RAB37: variants seen among roughly 807,000 people sequenced by gnomAD.
The protein encoded by RAB37 is RAB37, member RAS oncogene family, also known as ras-related protein Rab-37.
In RAB37, 29 loss-of-function variants were observed where a neutral mutation model predicts 33.1. The observed-to-expected ratio is 0.88, with a 90% CI of 0.65 to 1.20. The LOEUF is 1.20. Among genes scored for constraint, RAB37 ranks in the 50% most tolerant of loss-of-function variants. The probability of loss-of-function intolerance (pLI) is 0.00; values close to 1 mark genes in which losing one functional copy is unlikely to be tolerated. For missense variants in RAB37, 299 were observed against 301.1 expected, an observed-to-expected ratio of 0.99 and a Z score of 0.05; for synonymous variants, 128 against 119.5, an observed-to-expected ratio of 1.07 and a Z score of -0.47.
chr17:74,690,135 G>A (rs1719488109), intron 1 of RAB37, among the ~76,000 whole-genome samples: 1 of 152,036 alleles, frequency 6.6e-6, no homozygotes, highest in Admixed American at 6.6e-5. Context: ...ATTTTTGGTG[G>A]AGATATCCTT....
chr17:74,724,276 C>A (rs1344852790), intron 1 of RAB37, among the ~76,000 whole-genome samples: 1 of 152,152 alleles, frequency 6.6e-6, no homozygotes, highest in African/African-American at 2.4e-5. Flanking sequence ...GAAGCAAAGG[C>A]AGAAGACTGG....
At chr17:74,731,030 T>C (rs1259434341) in intron 2 of RAB37, among the ~76,000 whole-genome samples, 2 of 152,212 alleles carry the variant, frequency 1.3e-5, no homozygotes, top group African/African-American at 4.8e-5. Context: ...CACCCGATGT[T>C]CTGGTGCATC....
chr17:74,683,933 C>T (rs1394468740), intron 1 of RAB37, among the ~76,000 whole-genome samples: 2 of 152,034 alleles, frequency 1.3e-5, no homozygotes, highest in Middle Eastern at 3.4e-3. Flanking sequence ...TCAGACAGTC[C>T]GAAGGTGGGT....
At chr17:74,733,786 C>T (rs1460821917), upstream of RAB37, among the ~76,000 whole-genome samples, 1 of 151,926 alleles carries the variant, frequency 6.6e-6, no homozygotes, top group East Asian at 1.9e-4. Context: ...GTCTTAGACC[C>T]TAACCCACTT....
intron 1 of RAB37, among the ~76,000 whole-genome samples, chr17:74,691,551 T>C (rs1377948914): frequency 1.3e-5 from 2 of 152,148 alleles, no homozygotes; most frequent in Non-Finnish European, 2.9e-5. Context: ...GTTTCACTGC[T>C]CTTCAGCAGC....
intron 1 of RAB37, among the ~76,000 whole-genome samples, chr17:74,689,897 G>A (rs548888959): frequency 3.9e-5 from 6 of 152,034 alleles, no homozygotes; most frequent in South Asian, 4.1e-4. Context: ...TCTTCTGAAA[G>A]CCAATGATAT....
chr17:74,697,713 A>G (rs754413041), intron 1 of RAB37, among the ~76,000 whole-genome samples: 1 of 152,196 alleles, frequency 6.6e-6, no homozygotes, highest in Non-Finnish European at 1.5e-5. Flanking sequence ...CTGTGAGTGT[A>G]GACTCCTGCG....
chr17:74,743,052 A>G (rs1390406945), intron 3 of RAB37, 77 bp from the exon 4 acceptor site: 14 of 1,339,848 alleles, frequency 1.0e-5, no homozygotes, highest in African/African-American at 1.4e-5. Flanking sequence ...CTCATACAAC[A>G]AAGCAGGCCT....
upstream of RAB37, among the ~76,000 whole-genome samples, chr17:74,732,577 G>A (rs1251584327): frequency 7.3e-6 from 1 of 137,600 alleles, no homozygotes; most frequent in Non-Finnish European, 1.6e-5. Context: ...TGTGTGTGGT[G>A]TGAGTGTGTG....
Position 74,744,507 on chromosome 17 carries a change from C to T in RAB37, c.432+134C>T. 2 of 840,896 alleles carry T rather than the reference C, an allele frequency of 2.4e-6. No individual in the cohort carries two copies. Among genetic ancestry groups the T allele is most frequent in the East Asian group, 5.3e-5 (2 of 38,094 alleles). The allele number at this position is 840,896 out of a possible 1,614,324, so 52.1% of individuals were successfully genotyped here. On this transcript the variant is annotated intron_variant, in intron 6 of 8. Transcript: ENST00000392613. The surrounding 1 kb of genome is among the most constrained non-coding windows in gnomAD (Gnocchi z 4.2). ...TGCAGCCTCCAGCTCAGGGGTCAGA[C>T]ATATCTGGAGGCTTCTGCCCATCCC...
Position 74,672,377 on chromosome 17 carries a change from T to C in RAB37, c.72+719T>C, listed in dbSNP as rs868270201. On this transcript the variant is annotated intron_variant, in intron 1 of 7. Transcript: ENST00000340415. Reference sequence around the variant, plus strand: ...AAGAAGTTATTATGGCTCACCTTCCTTTTCTCTGACTTTGCCATGCCTTCC... The same window carrying C: ...AAGAAGTTATTATGGCTCACCTTCCCTTTCTCTGACTTTGCCATGCCTTCC... 1.5e-3 allele frequency among the ~76,000 whole-genome samples: 236 copies of C among 152,300 alleles called. 2 individuals are homozygous for C. Among genetic ancestry groups the C allele is most frequent in the African/African-American group, 5.5e-3 (227 of 41,556 alleles).
In RAB37 at chr17:74,745,318, C is replaced by A; in HGVS notation, c.579C>A (p.Tyr193Ter). The A allele has an allele frequency of 1.2e-6, 2 of 1,611,610 alleles. No individual in the cohort carries two copies. The highest frequency in any genetic ancestry group is 1.7e-6 in the Non-Finnish European group (2 of 1,178,436). ...AFLAIAKELKYRAGHQADEPS... is the reference protein window; with the variant it reads ...AFLAIAKELK ...TCTCTTCTTCAAGGGAACTGAAATA[C>A]CGGGCCGGGCATCAGGCGGATGAGC... The change falls in exon 9 of 9, where the codon TAC becomes TAA. Residue 193 changes from tyrosine (Y) to a stop codon, truncating the protein, a stop_gained. Transcript: ENST00000392613. LOFTEE classifies it high-confidence loss of function. The surrounding 1 kb of genome is among the most constrained non-coding windows in gnomAD (Gnocchi z 4.5).
intron 1 of RAB37, among the ~76,000 whole-genome samples, chr17:74,697,158 G>A (rs2032563584): frequency 6.6e-6 from 1 of 152,130 alleles, no homozygotes; most frequent in Non-Finnish European, 1.5e-5. Flanking sequence ...TGGCCAGGCT[G>A]GTCTCGAACT....
chr17:74,744,831 C>G lies in RAB37; in HGVS notation c.433-42C>G. ...GGGGCAAAATATGGGCCCGCTGGGG[C>G]GGAGGCCTCCTTCCCCAGAGTGACC... is the stretch of plus-strand genomic sequence containing the variant. On this transcript the variant is annotated intron_variant, in intron 6 of 8. Coordinates refer to ENST00000392613, the MANE Select transcript of RAB37 (RefSeq NM_001006638.3). The surrounding 1 kb of genome is among the most constrained non-coding windows in gnomAD (Gnocchi z 4.2). 6.2e-7 allele frequency: 1 copy of G among 1,610,148 alleles called. No individual in the cohort carries two copies. The highest frequency in any genetic ancestry group is 8.5e-7 in the Non-Finnish European group (1 of 1,176,342).
rs778434603 is a variant in RAB37 at position 74,695,895 on chromosome 17, T to C, written c.72+24237T>C. On this transcript the variant is annotated intron_variant, in intron 1 of 7. Coordinates refer to the RAB37 transcript ENST00000340415. ...GAACACAGGCTGGGGAGTCACAAGA[T>C]CTGTCTGTGGACACAGGTTCCTTTT... The C allele has an allele frequency of 1.6e-5, 26 of 1,601,124 alleles. No individual in the cohort carries two copies. The African/African-American group carries it at 2.4e-4, about 15-fold the overall frequency.
chr17:74,714,664 G>A (rs75639560), intron 1 of RAB37, among the ~76,000 whole-genome samples: 7 of 152,022 alleles, frequency 4.6e-5, no homozygotes, highest in East Asian at 1.9e-4. Flanking sequence ...TTATCCCCTC[G>A]CTCCACCCCT....
rs977071609 is a variant in RAB37, at chr17:74,745,037, C to T, written c.519C>T (p.Ser173=). The T allele has an allele frequency of 3.1e-6, 5 of 1,614,134 alleles. No homozygotes were observed. The South Asian group carries it at 4.4e-5, about 14-fold the overall frequency. ...ACGGTGTTCCCTTCCTGGAGACCAG[C>T]GCCAAGACTGGCATGAATGTGGAGT... ...REYGVPFLET[S]AKTGMNVELA... is the part of the protein sequence containing the mutation. Residue 173 remains serine, a synonymous_variant, in exon 8 of 9, where the codon AGC becomes AGT. Transcript: ENST00000392613. This position sits in a 1 kb window ranked among gnomAD's most constrained non-coding sequence, Gnocchi z 4.5.
rs112866490 is a variant in RAB37 at position 74,744,795 on chromosome 17, C to T, written c.433-78C>T. On this transcript the variant is annotated intron_variant, in intron 6 of 8. Transcript: ENST00000392613. The surrounding 1 kb of genome is among the most constrained non-coding windows in gnomAD (Gnocchi z 4.2). ...TGGGCCACCAGCAGAGGGCAGGCAA[C>T]GCCTGCTTCTGGGGCAAAATATGGG... 168 of 1,556,894 alleles carry T rather than the reference C, an allele frequency of 1.1e-4. 1 individual carries two copies. The highest frequency in any genetic ancestry group is 1.0e-3 in the African/African-American group (76 of 73,868).
intron 2 of RAB37, among the ~76,000 whole-genome samples, chr17:74,741,368 A>G (rs558445143): frequency 6.6e-6 from 1 of 152,190 alleles, no homozygotes; most frequent in East Asian, 1.9e-4. Context: ...CGGTCAGATC[A>G]CAAGGTCAGG....
Sources: allele counts gnomAD v4.1 joint callset (sites outside exome capture counted in the v4.1 genomes callset), GRCh38; gene constraint gnomAD v4.1.1; non-coding constraint Gnocchi (gnomAD v3.1); transcripts MANE v1.5; gene names NCBI Gene and HGNC (gene_info 2026-07-23, HGNC 2026-07-21).